RGL4: variants seen among roughly 807,000 people sequenced by gnomAD.
The protein encoded by RGL4 is ral guanine nucleotide dissociation stimulator like 4.
Under a neutral mutation model 49.6 loss-of-function variants are expected in RGL4, and 41 were observed. The observed-to-expected ratio is 0.83, with a 90% confidence interval of 0.64 to 1.07. The LOEUF (loss-of-function observed/expected upper bound fraction) is 1.07, where lower values mean the gene tolerates loss of function less well. Among genes scored for constraint, RGL4 ranks in the 50% least tolerant of loss-of-function variants. The probability of loss-of-function intolerance (pLI) is 0.00; values close to 1 mark genes in which losing one functional copy is unlikely to be tolerated. For synonymous variants in RGL4, 255 were observed against 238.0 expected, an observed-to-expected ratio of 1.07 and a Z score of -0.66; for missense variants, 610 against 591.9, an observed-to-expected ratio of 1.03 and a Z score of -0.32.
chr22:23,692,166 T>A lies in RGL4; in HGVS notation c.136T>A (p.Tyr46Asn). ...CACGAGGGTCTGTACAGCCCTGCTG[T>A]ATGGCCAGGTCTGCCCCTTCCAGGA... ...GRTRVCTALL[Y>N]GQVCPFQDST... The change falls in exon 1 of 11, where the codon TAT (tyrosine) becomes AAT (asparagine). Residue 46 changes from tyrosine to asparagine, a missense_variant. Coordinates refer to ENST00000290691, the MANE Select transcript of RGL4 (RefSeq NM_153615.2). 1 of 1,614,174 alleles carries A rather than the reference T, an allele frequency of 6.2e-7. No homozygotes were observed.
chr22:23,696,180 C>T, intron 6 of RGL4: 1 of 642,030 alleles, frequency 1.6e-6, no homozygotes, highest in Non-Finnish European at 2.2e-6. Context: ...CTTTGGGGGC[C>T]CTGGGGAGCC....
intron 6 of RGL4, chr22:23,695,366 G>A: frequency 2.1e-6 from 1 of 480,786 alleles, no homozygotes; most frequent in Non-Finnish European, 4.0e-6. Flanking sequence ...CCTCCAGGCT[G>A]GAGGGTGATC....
At chr22:23,698,044 T>C (rs958878477) in intron 9 of RGL4, 168 bp from the exon 10 acceptor site, 2 of 1,175,318 alleles carry the variant, frequency 1.7e-6, no homozygotes, top group Non-Finnish European at 2.4e-6. Flanking sequence ...CAAAGACCAA[T>C]TCCTGCAGGA....
Position 23,691,907 on chromosome 22 carries a change from C to G in RGL4, c.-124C>G. ...AGCAGAGGGGAGGCTGGGGTCACAGCTGGCCACTGAGAGACCCATCCCCCT... is the reference window on the plus strand; with the variant it reads ...AGCAGAGGGGAGGCTGGGGTCACAGGTGGCCACTGAGAGACCCATCCCCCT... On this transcript the variant is annotated 5_prime_UTR_variant, in exon 1 of 11. Coordinates refer to ENST00000290691, the MANE Select transcript of RGL4 (RefSeq NM_153615.2). The G allele has an allele frequency of 1.1e-6, 1 of 946,470 alleles. No homozygotes were observed. Among genetic ancestry groups the G allele is most frequent in the Non-Finnish European group, 1.6e-6 (1 of 630,808 alleles). 58.6% of individuals were successfully genotyped at this position (946,470 alleles called of 1,614,324 possible). A position where few individuals can be genotyped will look rare whatever the true frequency, so the allele number is the denominator to read the frequency against.
intron 8 of RGL4, 118 bp downstream of exon 8, chr22:23,697,363 A>G: frequency 1.3e-6 from 1 of 765,486 alleles, no homozygotes; most frequent in South Asian, 1.7e-5. Flanking sequence ...TAAGAGCCTC[A>G]CAGCTGCTCC....
chr22:23,694,280 A>AG, intron 4 of RGL4, 67 bp from the exon 5 acceptor site: 2 of 1,220,184 alleles, frequency 1.6e-6, no homozygotes, highest in Middle Eastern at 1.9e-4. Flanking sequence ...ATCTCAGCAG[A>AG]GGGGGCTGAG....
chr22:23,696,505 G>A (rs749816188), intron 6 of RGL4, 109 bp from the exon 7 acceptor site: 320 of 1,576,566 alleles, frequency 2.0e-4, no homozygotes, highest in Admixed American at 4.6e-4. Flanking sequence ...GTATGAGCAC[G>A]GTGCCAGGTG....
At chr22:23,696,203 G>A (rs1923482504) in intron 6 of RGL4, 1 of 890,326 alleles carries the variant, frequency 1.1e-6, no homozygotes, top group African/African-American at 1.8e-5. Context: ...TGCCCGCTCT[G>A]GGCCTCTGTT....
chr22:23,697,705 AG>A, intron 8 of RGL4, 132 bp from the exon 9 acceptor site: 2 of 942,532 alleles, frequency 2.1e-6, no homozygotes, highest in Non-Finnish European at 3.3e-6. Flanking sequence ...CCGGAGCCTG[AG>A]GCAGGTCCAA....
rs55716782 is a variant in RGL4 at position 23,693,720 on chromosome 22, A to G, written c.697-39A>G. 2.2e-3 allele frequency: 3,322 copies of G among 1,509,834 alleles called. 49 individuals are homozygous for G. In the African/African-American group the frequency reaches 0.036, roughly 16 times the overall value. 93.5% of individuals were successfully genotyped at this position (1,509,834 alleles called of 1,614,324 possible). On this transcript the variant is annotated intron_variant, in intron 3 of 10. Transcript: ENST00000290691. ...GGGACTGTGGGTGACTCTGAGCTGCAGTGTGCTGTGTCCGTGACACTCTCC... is the reference window on the plus strand; with the variant it reads ...GGGACTGTGGGTGACTCTGAGCTGCGGTGTGCTGTGTCCGTGACACTCTCC...
chr22:23,695,774 T>C (rs1923452715), intron 6 of RGL4, among the ~76,000 whole-genome samples: 1 of 152,082 alleles, frequency 6.6e-6, no homozygotes, highest in Non-Finnish European at 1.5e-5. Flanking sequence ...CTCAGAATCG[T>C]CCATGCAAAT....
intron 3 of RGL4, among the ~76,000 whole-genome samples, chr22:23,693,482 C>G (rs1440660113): frequency 1.3e-5 from 2 of 152,178 alleles, no homozygotes; most frequent in African/African-American, 4.8e-5. Flanking sequence ...CCTGAGCCAC[C>G]TTCTAGTTCT....
intron 9 of RGL4, 86 bp downstream of exon 9, chr22:23,697,947 C>T (rs1232764910): frequency 1.4e-6 from 2 of 1,472,822 alleles, no homozygotes; most frequent in African/African-American, 2.8e-5. Context: ...CTGGCTCCAT[C>T]CTCTACATCT....
intron 7 of RGL4, among the ~76,000 whole-genome samples, 186 bp from the exon 8 acceptor site, chr22:23,696,985 T>G (rs150303782): frequency 1.5e-3 from 223 of 152,292 alleles, no homozygotes; most frequent in East Asian, 4.1e-3. Flanking sequence ...TCAGCTGGGA[T>G]ACAGGAGGCA....
In RGL4 at chr22:23,692,023, G is replaced by A. The variant is rs758380170; in HGVS notation, c.-8G>A. The A allele has an allele frequency of 8.7e-6, 14 of 1,612,538 alleles. No homozygotes were observed. Among genetic ancestry groups the A allele is most frequent in the African/African-American group, 4.0e-5 (3 of 74,854 alleles). On this transcript the variant is annotated 5_prime_UTR_variant, in exon 1 of 11. Coordinates refer to ENST00000290691, the MANE Select transcript of RGL4 (RefSeq NM_153615.2). ...CCCAGGACCAGGGGACCCAGATCTG[G>A]AGCTTTGATGAGGAAGCTGCTCACA...
Position 23,692,342 on chromosome 22 carries a change from A to G in RGL4, c.187A>G (p.Thr63Ala), listed in dbSNP as rs760575861. Residue 63 changes from threonine (T) to alanine (A), a missense_variant, in exon 2 of 11, where the codon ACC (threonine) becomes GCC (alanine). Coordinates refer to ENST00000290691, the MANE Select transcript of RGL4 (RefSeq NM_153615.2). ...TGTCTACTCCATCACCAGCACCATC[A>G]CCTCCATTTTGTTCAACTGGCCCCC... The part of the protein sequence containing the change: ...QDSTDGLRTI[T>A]SILFNWPPEN... 2 of 1,613,804 alleles carry G rather than the reference A, an allele frequency of 1.2e-6. No homozygotes were observed. The highest frequency in any genetic ancestry group is 4.5e-5 in the East Asian group (2 of 44,864).
At position 23,691,823 on chromosome 22, in the gene RGL4, ACTTCC is replaced by A; in HGVS notation, c.-206_-202del. 1.9e-6 allele frequency: 1 copy of A among 527,800 alleles called. No individual in the cohort carries two copies. The highest frequency in any genetic ancestry group is 2.9e-5 in the East Asian group (1 of 34,468). 32.7% of individuals were successfully genotyped at this position (527,800 alleles called of 1,614,324 possible). ...CCCACGAGAAGGCTGACATCTGGGGACTTCCCCCACAAGAGGCAAATAGTGAGTTC... is the reference window on the plus strand; with the variant it reads ...CCCACGAGAAGGCTGACATCTGGGGACCCACAAGAGGCAAATAGTGAGTTC... On this transcript the variant is annotated 5_prime_UTR_variant, in exon 1 of 11. Coordinates refer to ENST00000290691, the MANE Select transcript of RGL4 (RefSeq NM_153615.2).
In RGL4 at chr22:23,692,694, C is replaced by T. The variant is rs116469260; in HGVS notation, c.399C>T (p.His133=). The T allele has an allele frequency of 7.5e-6, 12 of 1,609,724 alleles. No individual in the cohort carries two copies. The highest frequency in any genetic ancestry group is 2.2e-5 in the East Asian group (1 of 44,804). Residue 133 remains histidine, a synonymous_variant, in exon 3 of 11, where the codon CAC becomes CAT. Coordinates refer to ENST00000290691, the MANE Select transcript of RGL4 (RefSeq NM_153615.2). ...ATCCTGCTCCACGTCCTGGGCAACACGCATTAACAATGCCGGCCCTGGAGC... is the reference window on the plus strand; with the variant it reads ...ATCCTGCTCCACGTCCTGGGCAACATGCATTAACAATGCCGGCCCTGGAGC... ...PDDPAPRPGQ[H]ALTMPALEPA...
intron 10 of RGL4, 175 bp downstream of exon 10, chr22:23,698,508 T>C (rs778449081): frequency 1.3e-6 from 1 of 760,174 alleles, no homozygotes. Flanking sequence ...GGACTACCGC[T>C]GTACACCACC....
Sources: gnomAD v4.1 joint callset for allele counts (sites outside exome capture counted in the v4.1 genomes callset) on GRCh38, gnomAD v4.1.1 for gene constraint, MANE v1.5 for transcripts, NCBI Gene and HGNC (gene_info 2026-07-23, HGNC 2026-07-21) for gene names.